Variants in CYRIB observed in about 807,000 individuals in gnomAD.
CYRIB encodes CYFIP related Rac1 interactor B, also known as CYFIP-related Rac1 interactor B.
A neutral mutation model predicts 44.2 loss-of-function variants in CYRIB; 8 were observed. The ratio of observed to expected loss-of-function variants is 0.18; its 90% confidence interval spans 0.11 to 0.33. CYRIB has a LOEUF of 0.33. CYRIB is among the 10% of genes least tolerant of loss of function. The probability of loss-of-function intolerance (pLI) is 1.00; values close to 1 mark genes in which losing one functional copy is unlikely to be tolerated. For synonymous variants in CYRIB, 131 were observed against 127.2 expected, an observed-to-expected ratio of 1.03 and a Z score of -0.20; for missense variants, 185 against 382.8, an observed-to-expected ratio of 0.48 and a Z score of 4.31.
At chr8:129,998,635 T>C (rs1274280956) in intron 1 of CYRIB, among the ~76,000 whole-genome samples, 1 of 151,240 alleles carries the variant, frequency 6.6e-6, no homozygotes, top group African/African-American at 2.4e-5. Context: ...GAAACTCATC[T>C]CTTTTTTTTT....
At chr8:129,842,862 C>T (rs2037256644) in intron 11 of CYRIB, among the ~76,000 whole-genome samples, 2 of 152,168 alleles carry the variant, frequency 1.3e-5, no homozygotes, top group Admixed American at 1.3e-4. Context: ...GTTTCAACCC[C>T]TTTTCTATTC....
upstream of CYRIB, among the ~76,000 whole-genome samples, chr8:129,941,029 C>T (rs2093654124): frequency 6.6e-6 from 1 of 152,152 alleles, no homozygotes; most frequent in African/African-American, 2.4e-5. Flanking sequence ...AAGGGCAGCC[C>T]TTACCTTAGC....
chr8:129,877,663 G>GGTGT (rs5895011), intron 3 of CYRIB, among the ~76,000 whole-genome samples: 65 of 130,678 alleles, frequency 5.0e-4, no homozygotes, highest in African/African-American at 6.9e-4. Flanking sequence ...AAAAAAAAAA[G>GGTGT]GTGTGTGTGT....
At chr8:129,859,307 A>G (rs1038623385) in intron 5 of CYRIB, among the ~76,000 whole-genome samples, 9 of 152,226 alleles carry the variant, frequency 5.9e-5, no homozygotes, top group Non-Finnish European at 1.3e-4. Flanking sequence ...TAAACGGCAG[A>G]GCCAGGTGTA....
At chr8:129,867,801 AC>A (rs1338533423) in intron 4 of CYRIB, among the ~76,000 whole-genome samples, 1 of 152,104 alleles carries the variant, frequency 6.6e-6, no homozygotes, top group Admixed American at 6.5e-5. Context: ...TTTTACATTG[AC>A]ATTTCCTCTT....
At chr8:129,983,902 C>T (rs749029) in intron 1 of CYRIB, among the ~76,000 whole-genome samples, 76,118 of 152,196 alleles carry the variant, frequency 0.5, 21,804 homozygotes, top group African/African-American at 0.79. Context: ...CAGGCCCTAA[C>T]GAATACATCC....
At chr8:129,996,288 C>T (rs2096763441) in intron 1 of CYRIB, among the ~76,000 whole-genome samples, 2 of 152,188 alleles carry the variant, frequency 1.3e-5, no homozygotes, top group Non-Finnish European at 2.9e-5. Context: ...ACCCCACAGG[C>T]CACGGCAGCT....
In CYRIB at chr8:129,848,899, G is replaced by A. The variant is rs72718382; in HGVS notation, c.840+344C>T. ...ACTACTGACTTTTTATATGCATTCTGAAATAAACATTTTATTTGAAATGGC... is the reference window on the plus strand; with the variant it reads ...ACTACTGACTTTTTATATGCATTCTAAAATAAACATTTTATTTGAAATGGC... On this transcript the variant is annotated intron_variant, in intron 10 of 11. Transcript: ENST00000519824. Among the ~76,000 whole-genome samples, 305 of 152,254 alleles carry A rather than the reference G, an allele frequency of 2.0e-3. 2 individuals carry two copies. Among genetic ancestry groups the A allele is most frequent in the Non-Finnish European group, 3.6e-3 (247 of 68,002 alleles).
chr8:129,967,184 A>G (rs942267805), intron 2 of CYRIB, among the ~76,000 whole-genome samples: 2 of 152,136 alleles, frequency 1.3e-5, no homozygotes, highest in African/African-American at 4.8e-5. Flanking sequence ...AGGTGGCTAT[A>G]CTGACTCAAG....
At position 129,963,756 on chromosome 8, in the gene CYRIB, CAA is replaced by C. The variant is rs147931293; in HGVS notation, c.-243+7185_-243+7186del. Among the ~76,000 whole-genome samples the C allele has an allele frequency of 8.9e-3, 1,349 of 152,330 alleles. 23 individuals are homozygous for C. Among genetic ancestry groups the C allele is most frequent in the African/African-American group, 0.031 (1,284 of 41,576 alleles). ...TCTCTGAGCCTACAAAATACTGTCTCAAGAGACCAGCAAAGTGCTAAGGTCAA... is the reference window on the plus strand; with the variant it reads ...TCTCTGAGCCTACAAAATACTGTCTCGAGACCAGCAAAGTGCTAAGGTCAA... On this transcript the variant is annotated intron_variant, in intron 2 of 14. Coordinates refer to the CYRIB transcript ENST00000401979.
At chr8:129,943,031 A>C (rs2093831932), upstream of CYRIB, among the ~76,000 whole-genome samples, 1 of 152,054 alleles carries the variant, frequency 6.6e-6, no homozygotes, top group Non-Finnish European at 1.5e-5. Flanking sequence ...ATAGAGAATA[A>C]ATGGTTTCAC....
intron 1 of CYRIB, among the ~76,000 whole-genome samples, chr8:129,933,452 A>C (rs966408396): frequency 3.3e-5 from 5 of 152,208 alleles, no homozygotes; most frequent in Non-Finnish European, 7.3e-5. Context: ...CCTGTCAGGC[A>C]GACACCCAGA....
intron 2 of CYRIB, chr8:129,947,902 C>G (rs2094264046): frequency 6.6e-6 from 1 of 152,172 alleles, no homozygotes; most frequent in African/African-American, 2.4e-5. Flanking sequence ...TGCAGCTCAA[C>G]CATGAAGTGT....
At chr8:129,937,043 T>C (rs891579797) in intron 1 of CYRIB, among the ~76,000 whole-genome samples, 9 of 152,172 alleles carry the variant, frequency 5.9e-5, no homozygotes, top group Admixed American at 4.6e-4. Flanking sequence ...CTGAAAAAAC[T>C]ACAGCTCAGG....
chr8:129,928,764 C>T (rs1319803686), intron 1 of CYRIB, among the ~76,000 whole-genome samples: 1 of 151,980 alleles, frequency 6.6e-6, no homozygotes, highest in Non-Finnish European at 1.5e-5. Flanking sequence ...ATACTACCTC[C>T]CACCCAGTAG....
intron 3 of CYRIB, among the ~76,000 whole-genome samples, chr8:129,872,126 G>A (rs2057494189): frequency 1.3e-5 from 2 of 152,084 alleles, no homozygotes; most frequent in Non-Finnish European, 2.9e-5. Flanking sequence ...GAGTATCACT[G>A]AACTATTCTG....
intron 7 of CYRIB, among the ~76,000 whole-genome samples, 170 bp downstream of exon 9, chr8:129,854,096 A>G (rs549703096): frequency 1.3e-5 from 2 of 152,266 alleles, no homozygotes; most frequent in South Asian, 2.1e-4. Flanking sequence ...ACAGGTAAAC[A>G]CCATATGGTT....
intron 1 of CYRIB, among the ~76,000 whole-genome samples, chr8:129,974,637 G>A (rs2095843060): frequency 6.6e-6 from 1 of 151,000 alleles, no homozygotes; most frequent in Admixed American, 6.6e-5. Flanking sequence ...ATGCTTCCTG[G>A]TTTTTAAAAA....
At chr8:129,955,912 T>C (rs565914979) in intron 2 of CYRIB, among the ~76,000 whole-genome samples, 9 of 152,214 alleles carry the variant, frequency 5.9e-5, no homozygotes, top group African/African-American at 1.9e-4. Context: ...AAAAGGATGG[T>C]TGCATCCATC....
Sources: gnomAD v4.1 joint callset for allele counts (sites outside exome capture counted in the v4.1 genomes callset) on GRCh38, gnomAD v4.1.1 for gene constraint, MANE v1.5 for transcripts, NCBI Gene and HGNC (gene_info 2026-07-23, HGNC 2026-07-21) for gene names.